The following COMMD10 variants were observed in gnomAD, a reference collection of about 807,000 sequenced individuals.
COMMD10 encodes COMM domain containing 10, also known as COMM domain-containing protein 10.
Under a neutral mutation model 28.9 loss-of-function variants are expected in COMMD10, and 33 were observed. The observed-to-expected ratio is 1.14, with a 90% confidence interval of 0.87 to 1.53. COMMD10 has a LOEUF of 1.53. Among genes scored for constraint, COMMD10 ranks in the 40% most tolerant of loss-of-function variants. The probability of loss-of-function intolerance (pLI) is 0.00; values close to 1 mark genes in which losing one functional copy is unlikely to be tolerated. For synonymous variants in COMMD10, 110 were observed against 81.7 expected, an observed-to-expected ratio of 1.35 and a Z score of -1.87; for missense variants, 310 against 233.4, an observed-to-expected ratio of 1.33 and a Z score of -2.14.
At chr5:116,161,630 G>T (rs1013959190) in intron 5 of COMMD10, among the ~76,000 whole-genome samples, 2 of 152,038 alleles carry the variant, frequency 1.3e-5, no homozygotes, top group Non-Finnish European at 2.9e-5. Flanking sequence ...TTAGAGAAAA[G>T]AAAATGTTAT....
At chr5:116,154,868 A>T (rs1752655550) in intron 5 of COMMD10, among the ~76,000 whole-genome samples, 1 of 152,002 alleles carries the variant, frequency 6.6e-6, no homozygotes, top group African/African-American at 2.4e-5. Flanking sequence ...AAAAGGTAAT[A>T]ATCTCAGAGA....
chr5:116,154,514 C>T (rs999215021), intron 5 of COMMD10, among the ~76,000 whole-genome samples: 1 of 152,064 alleles, frequency 6.6e-6, no homozygotes, highest in Non-Finnish European at 1.5e-5. Context: ...GGGTTCTTTT[C>T]ATTTTCAGTA....
intron 5 of COMMD10, among the ~76,000 whole-genome samples, chr5:116,282,351 T>C (rs1409513038): frequency 2.0e-5 from 3 of 151,984 alleles, no homozygotes; most frequent in Non-Finnish European, 4.4e-5. Flanking sequence ...ACTAATGTAG[T>C]TTGGAGAAAC....
chr5:116,173,546 T>TA (rs1358142350), intron 5 of COMMD10, among the ~76,000 whole-genome samples: 2 of 152,242 alleles, frequency 1.3e-5, no homozygotes, highest in African/African-American at 2.4e-5. Flanking sequence ...TAGCTTTTTT[T>TA]AAAAAAGACT....
intron 5 of COMMD10, among the ~76,000 whole-genome samples, chr5:116,162,606 A>AT (rs1448327750): frequency 1.3e-5 from 2 of 152,194 alleles, no homozygotes; most frequent in Non-Finnish European, 2.9e-5. Flanking sequence ...ATCATTCTCT[A>AT]TAACTGAGCT....
intron 4 of COMMD10, among the ~76,000 whole-genome samples, chr5:116,132,668 A>T (rs1249787575): frequency 6.6e-6 from 1 of 152,158 alleles, no homozygotes; most frequent in African/African-American, 2.4e-5. Flanking sequence ...CATGTATGCC[A>T]GTGCTTTTTT....
chr5:116,197,649 T>A (rs955583631), intron 5 of COMMD10, among the ~76,000 whole-genome samples: 12 of 152,170 alleles, frequency 7.9e-5, no homozygotes, highest in Admixed American at 1.3e-4. Flanking sequence ...CCCTACGTTC[T>A]GGGATTACAG....
chr5:116,119,902 G>A (rs780103985), intron 4 of COMMD10, among the ~76,000 whole-genome samples: 1 of 152,248 alleles, frequency 6.6e-6, no homozygotes, highest in East Asian at 1.9e-4. Flanking sequence ...TTACGGGTGT[G>A]AGTCACTGTG....
intron 5 of COMMD10, among the ~76,000 whole-genome samples, chr5:116,256,665 C>A (rs1047529631): frequency 2.0e-5 from 3 of 151,700 alleles, no homozygotes; most frequent in Non-Finnish European, 4.4e-5. Context: ...TTTTCATACA[C>A]GTAATGAGAT....
At chr5:116,230,862 G>A (rs528053387) in intron 5 of COMMD10, among the ~76,000 whole-genome samples, 17 of 152,052 alleles carry the variant, frequency 1.1e-4, no homozygotes, top group Non-Finnish European at 2.1e-4. Context: ...ACGTGTGTGT[G>A]TGTAGACATC....
chr5:116,144,074 C>G (rs1156780871), intron 5 of COMMD10, among the ~76,000 whole-genome samples: 1 of 151,714 alleles, frequency 6.6e-6, no homozygotes, highest in African/African-American at 2.4e-5. Flanking sequence ...CCTGAGATAT[C>G]CAGGTGGAGA....
chr5:116,217,831 A>G (rs1413009638), intron 5 of COMMD10, among the ~76,000 whole-genome samples: 2 of 152,136 alleles, frequency 1.3e-5, no homozygotes, highest in African/African-American at 4.8e-5. Context: ...ACATCAATCC[A>G]GCTTCGAAGA....
At chr5:116,167,221 T>G (rs1470881768) in intron 5 of COMMD10, among the ~76,000 whole-genome samples, 1 of 151,414 alleles carries the variant, frequency 6.6e-6, no homozygotes, top group Non-Finnish European at 1.5e-5. Flanking sequence ...TGTCAATAGC[T>G]GAATCAAGCA....
At chr5:116,099,676 G>C (rs983484794) in intron 4 of COMMD10, among the ~76,000 whole-genome samples, 1 of 152,020 alleles carries the variant, frequency 6.6e-6, no homozygotes, top group East Asian at 1.9e-4. Context: ...CTTTTGATTT[G>C]CATTTCTTTG....
intron 5 of COMMD10, among the ~76,000 whole-genome samples, chr5:116,252,004 TGGC>T (rs1561393053): frequency 2.1e-5 from 3 of 145,454 alleles, no homozygotes; most frequent in Non-Finnish European, 4.5e-5. Context: ...TGTGAGAAGG[TGGC>T]AAATCTCATT....
intron 5 of COMMD10, among the ~76,000 whole-genome samples, chr5:116,216,825 C>T (rs1165554480): frequency 6.6e-6 from 1 of 152,184 alleles, no homozygotes; most frequent in African/African-American, 2.4e-5. Flanking sequence ...TGAGCCACTG[C>T]ACCGGGCCCT....
At chr5:116,189,443 G>A (rs1000916519) in intron 5 of COMMD10, among the ~76,000 whole-genome samples, 5 of 152,020 alleles carry the variant, frequency 3.3e-5, no homozygotes, top group African/African-American at 1.2e-4. Flanking sequence ...GCATGATTTT[G>A]GTTGCAGTTC....
intron 4 of COMMD10, among the ~76,000 whole-genome samples, chr5:116,094,845 A>G (rs376779096): frequency 6.6e-6 from 1 of 152,220 alleles, no homozygotes; most frequent in African/African-American, 2.4e-5. Context: ...CAACCATAAA[A>G]GAGAGTGAAA....
chr5:116,088,845 CA>C (rs1400619021), intron 2 of COMMD10, among the ~76,000 whole-genome samples: 1 of 152,202 alleles, frequency 6.6e-6, no homozygotes, highest in East Asian at 1.9e-4. Flanking sequence ...TCATGATTAG[CA>C]GGCAACCAAA....
Sources: allele counts gnomAD v4.1 joint callset (sites outside exome capture counted in the v4.1 genomes callset), GRCh38; gene constraint gnomAD v4.1.1; transcripts MANE v1.5; gene names NCBI Gene and HGNC (gene_info 2026-07-23, HGNC 2026-07-21).